The following PC variants were observed in gnomAD, a reference collection of about 807,000 sequenced individuals.
PC encodes pyruvate carboxylase, also known as pyruvate carboxylase, mitochondrial.
Under a neutral mutation model 107.8 loss-of-function variants are expected in PC, and 46 were observed. The ratio of observed to expected loss-of-function variants is 0.43; its 90% CI spans 0.34 to 0.55. The LOEUF is 0.55. Among genes scored for constraint, PC ranks in the 20% least tolerant of loss-of-function variants. The pLI, the probability that PC is intolerant of heterozygous loss-of-function variation, is 0.04. For missense variants in PC, 1,241 were observed against 1,643.1 expected (o/e 0.76, Z 4.23); for synonymous variants, 662 against 684.7 (o/e 0.97, Z 0.52).
intron 3 of PC, among the ~76,000 whole-genome samples, chr11:66,879,851 C>T (rs780863274): frequency 1.4e-4 from 22 of 152,084 alleles, no homozygotes; most frequent in Admixed American, 1.1e-3. Flanking sequence ...CCGAGTGAGG[C>T]GGAAGACACG....
chr11:66,865,579 C>CTGTGCT (rs1946458566), intron 11 of PC, among the ~76,000 whole-genome samples: 1 of 152,164 alleles, frequency 6.6e-6, no homozygotes, highest in Non-Finnish European at 1.5e-5. Context: ...GGAGAAGGCG[C>CTGTGCT]GAGTCTTGCT....
At chr11:66,874,048 C>T (rs1946883205) in intron 3 of PC, among the ~76,000 whole-genome samples, 1 of 152,156 alleles carries the variant, frequency 6.6e-6, no homozygotes, top group Admixed American at 6.5e-5. Context: ...CAACCTCCGC[C>T]TCCTGGGTTC....
rs1945913193 is a variant in PC at position 66,857,225 on chromosome 11, G to C, written c.1369-3842C>G. The C allele has an allele frequency of 6.7e-6, 1 of 149,454 alleles. No individual in the cohort carries two copies. The highest frequency in any genetic ancestry group is 2.4e-5 in the African/African-American group (1 of 41,008). 9.3% of individuals were successfully genotyped at this position (149,454 alleles called of 1,614,324 possible). On this transcript the variant is annotated intron_variant, in intron 12 of 22. Coordinates refer to ENST00000393960, the MANE Select transcript of PC (RefSeq NM_001040716.2). This position sits in a 1 kb window ranked among gnomAD's most constrained non-coding sequence, Gnocchi z 7.1. ...CCGGGCCTCGTCCCCGCGGGAGAGC[G>C]GCCAGGAGTCGGCGGGGGCCGGCCG...
intron 3 of PC, among the ~76,000 whole-genome samples, chr11:66,904,840 T>C (rs1370821465): frequency 6.6e-6 from 1 of 152,276 alleles, no homozygotes; most frequent in Non-Finnish European, 1.5e-5. Flanking sequence ...GTTCAAGTTC[T>C]GGCTTTGCTA....
At chr11:66,922,434 CGTGGTG>C (rs1948616698) in intron 3 of PC, among the ~76,000 whole-genome samples, 1 of 150,702 alleles carries the variant, frequency 6.6e-6, no homozygotes, top group African/African-American at 2.4e-5. Context: ...ATTAGCTGGG[CGTGGTG>C]GTGCGCGCCT....
chr11:66,957,692 T>C (rs1466036641), intron 1 of PC: 2 of 152,264 alleles, frequency 1.3e-5, no homozygotes, highest in Middle Eastern at 3.2e-3. Flanking sequence ...TGATGCGCTT[T>C]GTAAACTACT....
In PC at chr11:66,851,711, G is replaced by C. The variant is rs1008672703; in HGVS notation, c.1982+79C>G. On this transcript the variant is annotated intron_variant, in intron 16 of 22. Transcript: ENST00000393960. The stretch of plus-strand genomic sequence containing the variant: ...GACTTGGTGTCAGGCTGACCGTGGA[G>C]AACAGAGGCCATCACGACATGGCTC... 6 of 1,444,400 alleles carry C rather than the reference G, an allele frequency of 4.2e-6. No individual in the cohort carries two copies. The African/African-American group carries it at 8.4e-5, about 20-fold the overall frequency. The allele number at this position is 1,444,400 out of a possible 1,614,324, so 89.5% of individuals were successfully genotyped here. A position where few individuals can be genotyped will look rare whatever the true frequency, so the allele number is the denominator to read the frequency against.
chr11:66,850,457 G>A lies in PC; in HGVS notation c.2481C>T (p.Pro827=), dbSNP rs1235493399. 1 of 1,613,788 alleles carries A rather than the reference G, an allele frequency of 6.2e-7. No individual in the cohort carries two copies. The highest frequency in any genetic ancestry group is 8.5e-7 in the Non-Finnish European group (1 of 1,180,038). ...CACTGTAGTCAAACACGCGCTCCAT[G>A]GGCACCTCTGCAGGGAGGCCAGAGT... The part of the protein sequence containing the change: ...TRGTPLDTEV[P]MERVFDYSEY... The change falls in exon 19 of 23, where the codon CCC becomes CCT. Residue 827 remains proline, a synonymous_variant. Coordinates refer to ENST00000393960, the MANE Select transcript of PC (RefSeq NM_001040716.2).
chr11:66,858,905 G>A lies in PC; in HGVS notation c.1368+4869C>T, dbSNP rs775261146. ...CCGAGGGGGGCCGCCCCGGGCCCTC[G>A]GACATCGCCGCCTCCGCTCGCACTG... On this transcript the variant is annotated intron_variant, in intron 12 of 22. Coordinates refer to ENST00000393960, the MANE Select transcript of PC (RefSeq NM_001040716.2). This position sits in a 1 kb window ranked among gnomAD's most constrained non-coding sequence, Gnocchi z 5.9. The A allele has an allele frequency of 3.5e-5, 55 of 1,563,426 alleles. No homozygotes were observed. The highest frequency in any genetic ancestry group is 2.0e-4 in the Admixed American group (11 of 54,264).
intron 3 of PC, among the ~76,000 whole-genome samples, chr11:66,902,859 G>A (rs1349057263): frequency 1.3e-5 from 2 of 152,142 alleles, no homozygotes; most frequent in Non-Finnish European, 2.9e-5. Flanking sequence ...TTGTTGTTTT[G>A]GAGTTCTGCA....
intron 3 of PC, among the ~76,000 whole-genome samples, chr11:66,895,511 C>A (rs1294738977): frequency 6.6e-6 from 1 of 152,154 alleles, no homozygotes; most frequent in Non-Finnish European, 1.5e-5. Flanking sequence ...ATGGCATTCA[C>A]ATTCTCACAG....
At chr11:66,860,437 C>T (rs1002348780) in intron 12 of PC, 1 of 706,360 alleles carries the variant, frequency 1.4e-6, no homozygotes, top group Non-Finnish European at 2.6e-6. Context: ...CACTGGGAGT[C>T]TTGTTTTTAT....
chr11:66,857,539 G>A lies in PC; in HGVS notation c.1369-4156C>T, dbSNP rs372237583. On this transcript the variant is annotated intron_variant, in intron 12 of 22. Coordinates refer to ENST00000393960, the MANE Select transcript of PC (RefSeq NM_001040716.2). The surrounding 1 kb of genome is among the most constrained non-coding windows in gnomAD (Gnocchi z 7.1). Reference sequence around the variant, plus strand: ...GCCTGGACTCCCCCTTAACTGCTTGGGAAATGTGACCTTTGCTCTGGGGGG... The same window carrying A: ...GCCTGGACTCCCCCTTAACTGCTTGAGAAATGTGACCTTTGCTCTGGGGGG... 538 of 579,340 alleles carry A rather than the reference G, an allele frequency of 9.3e-4. 1 individual carries two copies. Among genetic ancestry groups the A allele is most frequent in the African/African-American group, 8.5e-3 (451 of 53,330 alleles). The allele number at this position is 579,340 out of a possible 1,614,324, so 35.9% of individuals were successfully genotyped here.
intron 3 of PC, among the ~76,000 whole-genome samples, chr11:66,899,045 T>G (rs1947859344): frequency 6.6e-6 from 1 of 152,130 alleles, no homozygotes; most frequent in Non-Finnish European, 1.5e-5. Context: ...TAATTTTGTA[T>G]TTTTAGTAGA....
At chr11:66,853,771 T>TA (rs1387543067) in intron 12 of PC, among the ~76,000 whole-genome samples, 3 of 152,208 alleles carry the variant, frequency 2.0e-5, no homozygotes, top group African/African-American at 7.2e-5. Flanking sequence ...GCACTCTAAG[T>TA]CACTCCTCCC....
At chr11:66,860,242 C>T (rs1449354498) in intron 12 of PC, 3 of 1,538,218 alleles carry the variant, frequency 2.0e-6, no homozygotes, top group South Asian at 2.4e-5. Flanking sequence ...CCTCGTGGGG[C>T]AGAGGGCCCG....
chr11:66,923,102 C>T (rs1948632526), intron 3 of PC, among the ~76,000 whole-genome samples: 1 of 152,062 alleles, frequency 6.6e-6, no homozygotes, highest in Admixed American at 6.5e-5. Context: ...CGCGGTGGCT[C>T]ACGCCTGTAA....
At chr11:66,878,247 A>G (rs1328366403) in intron 3 of PC, among the ~76,000 whole-genome samples, 1 of 151,462 alleles carries the variant, frequency 6.6e-6, no homozygotes, top group Non-Finnish European at 1.5e-5. Flanking sequence ...AGCTTTTTCC[A>G]GGGAGCCCCA....
At chr11:66,860,235 C>T (rs909744017) in intron 12 of PC, 25 of 1,538,876 alleles carry the variant, frequency 1.6e-5, no homozygotes, top group African/African-American at 9.6e-5. Flanking sequence ...GGATGAGCCT[C>T]GTGGGGCAGA....
Sources: allele counts gnomAD v4.1 joint callset (sites outside exome capture counted in the v4.1 genomes callset), GRCh38; gene constraint gnomAD v4.1.1; non-coding constraint Gnocchi (gnomAD v3.1); transcripts MANE v1.5; gene names NCBI Gene and HGNC (gene_info 2026-07-23, HGNC 2026-07-21).